The following PXMP2 variants were observed in gnomAD, a reference collection of about 807,000 sequenced individuals.
The protein encoded by PXMP2 is peroxisomal membrane protein 2, also known as 22 kDa peroxisomal membrane protein.
Under a neutral mutation model 20.2 loss-of-function variants are expected in PXMP2, and 13 were observed. The observed-to-expected ratio is 0.64, with a 90% confidence interval of 0.42 to 1.02. PXMP2 has a LOEUF of 1.02. Among genes scored for constraint, PXMP2 ranks in the 50% least tolerant of loss-of-function variants. The probability of loss-of-function intolerance (pLI) is 0.00; values close to 1 mark genes in which losing one functional copy is unlikely to be tolerated. For missense variants in PXMP2, 284 were observed against 251.8 expected, an observed-to-expected ratio of 1.13 and a Z score of -0.87; for synonymous variants, 113 against 111.2, an observed-to-expected ratio of 1.02 and a Z score of -0.10.
At chr12:132,703,614 C>T (rs975500459) in intron 4 of PXMP2, among the ~76,000 whole-genome samples, 1 of 152,108 alleles carries the variant, frequency 6.6e-6, no homozygotes, top group Non-Finnish European at 1.5e-5. Flanking sequence ...GGGGCTGGGA[C>T]TGAGGGCAGA....
At chr12:132,687,897 C>T (rs2043318145) in intron 1 of PXMP2, 105 bp downstream of exon 1, 1 of 1,033,130 alleles carries the variant, frequency 9.7e-7, no homozygotes, top group South Asian at 4.6e-5. Flanking sequence ...GGGGGCGCGC[C>T]CGGGTCAGAA....
rs368888853 is a variant in PXMP2, at chr12:132,701,287, G to A, written c.437G>A (p.Gly146Glu). The change falls in exon 4 of 5, where the codon GGG becomes GAG. Residue 146 changes from glycine (G) to glutamate (E), a missense_variant. Physicochemically the swap from Gly to Glu is moderately conservative, Grantham distance 98 (BLOSUM62 -2). Coordinates refer to ENST00000317479, the MANE Select transcript of PXMP2 (RefSeq NM_018663.3). Reference sequence around the variant, plus strand: ...TCAGCCTTCGCCGCCAAGATGAGGGGGGGCTTCTGGCCGGCGCTGAGGATG... The same window carrying A: ...TCAGCCTTCGCCGCCAAGATGAGGGAGGGCTTCTGGCCGGCGCTGAGGATG... ...DASAFAAKMRGGFWPALRMNW... is the reference protein window; with the variant it reads ...DASAFAAKMREGFWPALRMNW... 2,114 of 1,612,950 alleles carry A rather than the reference G, an allele frequency of 1.3e-3. 30 individuals are homozygous for A. The South Asian group carries it at 0.022, about 17-fold the overall frequency.
At chr12:132,704,593 G>A (rs1194895493) in intron 4 of PXMP2, 26 bp from the exon 5 acceptor site, 4 of 1,406,174 alleles carry the variant, frequency 2.8e-6, no homozygotes, top group Non-Finnish European at 3.7e-6. Flanking sequence ...GCTGACCGTG[G>A]CCTGTTGGAC....
At chr12:132,691,659 C>G (rs1368615931) in intron 2 of PXMP2, among the ~76,000 whole-genome samples, 1 of 152,180 alleles carries the variant, frequency 6.6e-6, no homozygotes, top group Non-Finnish European at 1.5e-5. Context: ...ATGAGATCAC[C>G]TAGCAGGCCT....
At chr12:132,697,942 G>C (rs1047801327) in intron 3 of PXMP2, among the ~76,000 whole-genome samples, 1 of 151,982 alleles carries the variant, frequency 6.6e-6, no homozygotes, top group Non-Finnish European at 1.5e-5. Context: ...CCCCGTTCAC[G>C]AGCACCTTCA....
intron 3 of PXMP2, among the ~76,000 whole-genome samples, chr12:132,698,096 C>T (rs1370233838): frequency 6.6e-6 from 1 of 151,178 alleles, no homozygotes; most frequent in African/African-American, 2.4e-5. Flanking sequence ...CTGCAACCTT[C>T]GCCTCTTGGG....
chr12:132,693,804 TA>T (rs1207617705), intron 2 of PXMP2, among the ~76,000 whole-genome samples: 11 of 95,680 alleles, frequency 1.1e-4, no homozygotes, highest in South Asian at 3.7e-4. Context: ...TTAGCTCCCT[TA>T]GCCAGTTAGT....
At chr12:132,702,769 C>A (rs2043449954) in intron 4 of PXMP2, among the ~76,000 whole-genome samples, 1 of 152,204 alleles carries the variant, frequency 6.6e-6, no homozygotes, top group Non-Finnish European at 1.5e-5. Flanking sequence ...CCTGAACAGG[C>A]CTGCAGTGGC....
intron 4 of PXMP2, among the ~76,000 whole-genome samples, chr12:132,702,727 G>A (rs1236417597): frequency 6.6e-6 from 1 of 152,234 alleles, no homozygotes; most frequent in Non-Finnish European, 1.5e-5. Flanking sequence ...AAAGGTGGGT[G>A]CCGTCCCAGC....
chr12:132,688,019 G>C (rs1265157364), intron 1 of PXMP2: 2 of 292,600 alleles, frequency 6.8e-6, no homozygotes, highest in African/African-American at 4.5e-5. Context: ...AGCGCGTGGA[G>C]GGCCCGCCCA....
intron 3 of PXMP2, 24 bp from the exon 4 acceptor site, chr12:132,701,226 C>T (rs1276630255): frequency 6.2e-7 from 1 of 1,613,410 alleles, no homozygotes; most frequent in Admixed American, 1.7e-5. Context: ...AGACTGTTCA[C>T]CACCCGCCTT....
intron 4 of PXMP2, 135 bp downstream of exon 4, chr12:132,701,504 G>C: frequency 1.6e-6 from 2 of 1,243,752 alleles, no homozygotes; most frequent in East Asian, 5.2e-5. Flanking sequence ...TTTTCCGCTA[G>C]ACTTAGTTTC....
chr12:132,693,589 G>A lies in PXMP2; in HGVS notation c.237-2295G>A, dbSNP rs1189664636. Among the ~76,000 whole-genome samples, 31 of 70,458 alleles carry A rather than the reference G, an allele frequency of 4.4e-4. 2 individuals are homozygous for A. Among genetic ancestry groups the A allele is most frequent in the African/African-American group, 1.2e-3 (24 of 20,672 alleles). 46.2% of individuals were successfully genotyped at this position (70,458 alleles called of 152,430 possible). ...TGAGCGCCCTTGCCAGTTAGTGAGCGCCCTTGCCAGTTAGTTAGTGAGCGC... is the reference window on the plus strand; with the variant it reads ...TGAGCGCCCTTGCCAGTTAGTGAGCACCCTTGCCAGTTAGTTAGTGAGCGC... On this transcript the variant is annotated intron_variant, in intron 2 of 4. Coordinates refer to ENST00000317479, the MANE Select transcript of PXMP2 (RefSeq NM_018663.3).
At chr12:132,698,535 T>C (rs566339295) in intron 3 of PXMP2, among the ~76,000 whole-genome samples, 1 of 152,368 alleles carries the variant, frequency 6.6e-6, no homozygotes, top group Admixed American at 6.5e-5. Flanking sequence ...TAGCAAATTT[T>C]CTCATTACCA....
At chr12:132,692,014 CAGTT>C (rs1257963749) in intron 2 of PXMP2, among the ~76,000 whole-genome samples, 14 of 151,758 alleles carry the variant, frequency 9.2e-5, no homozygotes, top group South Asian at 2.1e-4. Flanking sequence ...GCACCCTTGC[CAGTT>C]AGTTAGTGAG....
intron 2 of PXMP2, among the ~76,000 whole-genome samples, chr12:132,690,787 T>G (rs996583393): frequency 3.3e-5 from 5 of 152,178 alleles, no homozygotes; most frequent in Non-Finnish European, 7.3e-5. Context: ...CCTCAAGTGA[T>G]CCACCTTCCT....
intron 3 of PXMP2, 44 bp from the exon 4 acceptor site, chr12:132,701,206 A>T (rs202123449): frequency 2.0e-5 from 32 of 1,610,514 alleles, no homozygotes; most frequent in Non-Finnish European, 2.5e-5. Flanking sequence ...TTCAGTTCTG[A>T]TGGGCAGTGA....
intron 2 of PXMP2, among the ~76,000 whole-genome samples, chr12:132,694,733 CAGTT>C (rs1215971301): frequency 1.4e-4 from 15 of 107,288 alleles, no homozygotes; most frequent in East Asian, 7.8e-4. Flanking sequence ...GCTCCCTTGC[CAGTT>C]AGTTAGTGAG....
intron 4 of PXMP2, chr12:132,702,639 C>T (rs2043449325): frequency 4.9e-6 from 1 of 205,318 alleles, no homozygotes. Flanking sequence ...GCTCCAGACC[C>T]CTAGAAAGAC....
Sources: allele counts gnomAD v4.1 joint callset (sites outside exome capture counted in the v4.1 genomes callset), GRCh38; gene constraint gnomAD v4.1.1; transcripts MANE v1.5; gene names NCBI Gene and HGNC (gene_info 2026-07-23, HGNC 2026-07-21).